ERMP1: variants seen among roughly 807,000 people sequenced by gnomAD.
ERMP1 encodes endoplasmic reticulum metallopeptidase 1, also known as Felix-ina.
In ERMP1, 86 loss-of-function variants were observed where a neutral mutation model predicts 92.0. That is an observed-to-expected ratio of 0.93 (90% CI 0.79 to 1.12). ERMP1 has a LOEUF of 1.12. Among genes scored for constraint, ERMP1 ranks in the 50% most tolerant of loss-of-function variants. The pLI is 0.00. For synonymous variants in ERMP1, 530 were observed against 412.8 expected (o/e 1.28, Z -3.44); for missense variants, 1,342 against 1,116.3 (o/e 1.20, Z -2.88).
At chr9:5,835,698 G>C (rs1418136800), upstream of ERMP1, among the ~76,000 whole-genome samples, 2 of 152,192 alleles carry the variant, frequency 1.3e-5, no homozygotes, top group African/African-American at 4.8e-5. Flanking sequence ...CCTGGCCCTG[G>C]TGAGGACTCT....
At chr9:5,855,306 A>C (rs1830359936) in intron 6 of ERMP1, among the ~76,000 whole-genome samples, 2 of 152,206 alleles carry the variant, frequency 1.3e-5, no homozygotes, top group Admixed American at 6.5e-5. Flanking sequence ...GGACATAGTC[A>C]CTCCAGACCA....
Position 5,815,578 on chromosome 9 carries a change from C to G in ERMP1, c.875-2543G>C, listed in dbSNP as rs182813894. Among the ~76,000 whole-genome samples the G allele has an allele frequency of 2.7e-5, 4 of 150,494 alleles. No individual in the cohort carries two copies. In the South Asian group the frequency reaches 8.4e-4, roughly 32 times the overall value. On this transcript the variant is annotated intron_variant, in intron 4 of 14. Coordinates refer to ENST00000339450, the MANE Select transcript of ERMP1 (RefSeq NM_024896.3). ...TGACCTACAGGCAGAATGATGGAAC[C>G]AGAAACTCAGCAGTAGCATTTGGTA...
intron 4 of ERMP1, among the ~76,000 whole-genome samples, chr9:5,817,282 C>CGGGT (rs1829351554): frequency 6.6e-6 from 1 of 151,982 alleles, no homozygotes; most frequent in Admixed American, 6.6e-5. Flanking sequence ...CTCTGCCTCC[C>CGGGT]GGGTTCAAGC....
At chr9:5,858,300 G>C (rs1214328610) in intron 6 of ERMP1, among the ~76,000 whole-genome samples, 1 of 152,200 alleles carries the variant, frequency 6.6e-6, no homozygotes, top group Non-Finnish European at 1.5e-5. Context: ...ACTAGTCCCA[G>C]TGCTGAGAAG....
chr9:5,829,206 T>C (rs1392120640), intron 2 of ERMP1, among the ~76,000 whole-genome samples: 1 of 148,000 alleles, frequency 6.8e-6, no homozygotes, highest in Non-Finnish European at 1.5e-5. Context: ...AGAGTGAGAC[T>C]TGGCCCCCCA....
chr9:5,798,740 A>G (rs1828548121), intron 12 of ERMP1, 66 bp downstream of exon 12: 1 of 969,730 alleles, frequency 1.0e-6, no homozygotes, highest in East Asian at 2.5e-5. Flanking sequence ...TTAAATGATA[A>G]GAGTACTGAT....
chr9:5,834,290 T>C (rs909896210), upstream of ERMP1, among the ~76,000 whole-genome samples: 3 of 152,234 alleles, frequency 2.0e-5, no homozygotes, highest in Non-Finnish European at 2.9e-5. Flanking sequence ...AATCTCAGAT[T>C]AAGTGGTACT....
chr9:5,833,117 T>A lies in ERMP1; in HGVS notation c.-90A>T. The A allele has an allele frequency of 8.4e-7, 1 of 1,187,002 alleles. No individual in the cohort carries two copies. The highest frequency in any genetic ancestry group is 1.1e-6 in the Non-Finnish European group (1 of 900,434). The allele number at this position is 1,187,002 out of a possible 1,614,324, so 73.5% of individuals were successfully genotyped here. On this transcript the variant is annotated 5_prime_UTR_variant, in exon 1 of 15. Coordinates refer to ENST00000339450, the MANE Select transcript of ERMP1 (RefSeq NM_024896.3). Reference sequence around the variant, plus strand: ...CCGCCGTCGCTGCCGCAGCGCCTCCTAGTGAGCGGACGGAAACTGCAGAGG... The same window carrying A: ...CCGCCGTCGCTGCCGCAGCGCCTCCAAGTGAGCGGACGGAAACTGCAGAGG...
At chr9:5,827,315 C>A (rs1829763329) in intron 2 of ERMP1, among the ~76,000 whole-genome samples, 1 of 151,962 alleles carries the variant, frequency 6.6e-6, no homozygotes, top group Admixed American at 6.6e-5. Flanking sequence ...CTGTCTTGGG[C>A]CACATATAAA....
chr9:5,804,229 G>A (rs939961734), intron 10 of ERMP1, among the ~76,000 whole-genome samples: 3 of 152,002 alleles, frequency 2.0e-5, no homozygotes, highest in African/African-American at 7.3e-5. Context: ...TTATTCTTAG[G>A]AATTCCCACC....
In ERMP1 at chr9:5,809,173, A is replaced by G. The variant is rs1338102771; in HGVS notation, c.1548+838T>C. ...AGCAGCTGGGACTACAGGCGCCGCCACCTCGCCCGGCTAATTTTTTGTATT... is the reference window on the plus strand; with the variant it reads ...AGCAGCTGGGACTACAGGCGCCGCCGCCTCGCCCGGCTAATTTTTTGTATT... On this transcript the variant is annotated intron_variant, in intron 8 of 14. Coordinates refer to ENST00000339450, the MANE Select transcript of ERMP1 (RefSeq NM_024896.3). 5.3e-5 allele frequency among the ~76,000 whole-genome samples: 8 copies of G among 151,728 alleles called. No individual in the cohort carries two copies. The East Asian group carries it at 1.6e-3, about 29-fold the overall frequency.
At chr9:5,824,044 T>C in intron 3 of ERMP1, 43 bp from the exon 4 acceptor site, 1 of 1,497,966 alleles carries the variant, frequency 6.7e-7, no homozygotes, top group Non-Finnish European at 9.3e-7. Context: ...TAAACAATCT[T>C]AAATTATCAG....
intron 2 of ERMP1, among the ~76,000 whole-genome samples, chr9:5,828,228 T>G (rs965714737): frequency 1.3e-5 from 2 of 152,228 alleles, no homozygotes; most frequent in Non-Finnish European, 2.9e-5. Context: ...TCTGTAACAT[T>G]TGGCACTATG....
In ERMP1 at chr9:5,847,280, C is replaced by T. The variant is rs578154466; in HGVS notation, n.3199+12188G>A. ...TCGATGTGGATGACTATAAACAGGC[C>T]CAGCCTCATTCTGTTGTCCAGGCTG... On this transcript the variant is annotated intron_variant and non_coding_transcript_variant, in intron 6 of 6. Coordinates refer to the ERMP1 transcript ENST00000690753. 3.3e-5 allele frequency among the ~76,000 whole-genome samples: 5 copies of T among 152,152 alleles called. No homozygotes were observed. In the South Asian group the frequency reaches 1.0e-3, roughly 32 times the overall value.
intron 13 of ERMP1, among the ~76,000 whole-genome samples, chr9:5,793,964 C>T (rs932034446): frequency 1.2e-4 from 19 of 152,076 alleles, no homozygotes; most frequent in Non-Finnish European, 2.1e-4. Context: ...AAGCCTTCTT[C>T]CAACAGCAAC....
At chr9:5,861,543 T>C (rs917921565) in intron 5 of ERMP1, among the ~76,000 whole-genome samples, 8 of 152,032 alleles carry the variant, frequency 5.3e-5, no homozygotes, top group Non-Finnish European at 8.8e-5. Flanking sequence ...AGCAGATTCC[T>C]TTCTCACTAA....
rs1829036636 is a variant in ERMP1 at position 5,810,167 on chromosome 9, G to T, written c.1392C>A (p.Ser464Arg). 2 of 1,614,048 alleles carry T rather than the reference G, an allele frequency of 1.2e-6. No individual in the cohort carries two copies. The highest frequency in any genetic ancestry group is 1.7e-5 in the Admixed American group (1 of 60,020). ...CTGCTATAATGAGAACGGTAACAAGGCTAGTGAACCAGCTGATCAAAGTGA... is the reference window on the plus strand; with the variant it reads ...CTGCTATAATGAGAACGGTAACAAGTCTAGTGAACCAGCTGATCAAAGTGA... ...LGITLISWFTSLVTVLIIAVF... is the reference protein window; with the variant it reads ...LGITLISWFTRLVTVLIIAVF... Residue 464 changes from serine (S) to arginine (R), a missense_variant, in exon 8 of 15, where the codon AGC (serine) becomes AGA (arginine). Transcript: ENST00000339450.
intron 6 of ERMP1, among the ~76,000 whole-genome samples, chr9:5,844,609 C>T (rs768145520): frequency 6.6e-6 from 1 of 152,146 alleles, no homozygotes; most frequent in Non-Finnish European, 1.5e-5. Context: ...TTTGTGAGAA[C>T]TAAAGAGAAA....
At chr9:5,848,021 A>T (rs913338465) in intron 6 of ERMP1, among the ~76,000 whole-genome samples, 1 of 152,150 alleles carries the variant, frequency 6.6e-6, no homozygotes, top group Non-Finnish European at 1.5e-5. Context: ...TAGAGAAAGG[A>T]TATCATTTAC....
Sources: allele counts gnomAD v4.1 joint callset (sites outside exome capture counted in the v4.1 genomes callset), GRCh38; gene constraint gnomAD v4.1.1; transcripts MANE v1.5; gene names NCBI Gene and HGNC (gene_info 2026-07-23, HGNC 2026-07-21).